ATRX: variants seen among roughly 807,000 people sequenced by gnomAD.
ATRX encodes ATRX chromatin remodeler.
A neutral mutation model predicts 172.6 loss-of-function variants in ATRX; 12 were observed. That is an observed-to-expected ratio of 0.07 (90% CI 0.04 to 0.11). ATRX has a LOEUF of 0.11. Ranked by LOEUF, ATRX falls within the 10% of genes least tolerant of loss-of-function variation. The probability of loss-of-function intolerance (pLI) is 1.00; values close to 1 mark genes in which losing one functional copy is unlikely to be tolerated. For missense variants in ATRX, 1,368 were observed against 1,767.4 expected (o/e 0.77, Z 4.05); for synonymous variants, 674 against 594.7 (o/e 1.13, Z -1.94).
At chrX:77,581,398 A>G (rs782330783) in intron 27 of ATRX, among the ~76,000 whole-genome samples, 6 of 112,179 alleles carry the variant, frequency 5.3e-5, no homozygotes, top group Admixed American at 2.8e-4. Context: ...GGAAACCAAA[A>G]AGAGCAGGAA....
intron 26 of ATRX, among the ~76,000 whole-genome samples, chrX:77,591,327 T>G (rs1479752873): frequency 8.9e-6 from 1 of 111,970 alleles, no homozygotes; most frequent in Non-Finnish European, 1.9e-5. Flanking sequence ...AAATAAAATC[T>G]AGAAAGAGAA....
intron 12 of ATRX, among the ~76,000 whole-genome samples, chrX:77,660,322 T>C (rs1557121908): frequency 9.0e-6 from 1 of 111,322 alleles, no homozygotes; most frequent in Non-Finnish European, 1.9e-5. Context: ...CCCAGCACTT[T>C]TGGGAGGCCG....
intron 1 of ATRX, among the ~76,000 whole-genome samples, chrX:77,757,798 A>G (rs2148897940): frequency 9.2e-6 from 1 of 108,407 alleles, no homozygotes; most frequent in South Asian, 4.1e-4. Context: ...CAGCCTCCCG[A>G]GTAGCTGGGA....
At chrX:77,623,585 A>G (rs1350537544) in intron 19 of ATRX, among the ~76,000 whole-genome samples, 1 of 111,807 alleles carries the variant, frequency 8.9e-6, no homozygotes, top group Admixed American at 9.5e-5. Context: ...AAAACCAGGA[A>G]AGATCACGAC....
chrX:77,761,369 T>C (rs1212289594), intron 1 of ATRX, among the ~76,000 whole-genome samples: 1 of 110,179 alleles, frequency 9.1e-6, no homozygotes, highest in Non-Finnish European at 1.9e-5. Flanking sequence ...AAAACCCATC[T>C]CTACAAAAAC....
intron 5 of ATRX, among the ~76,000 whole-genome samples, chrX:77,694,836 A>T (rs1204441448): frequency 1.1e-5 from 1 of 94,914 alleles, no homozygotes; most frequent in Non-Finnish European, 2.0e-5. Flanking sequence ...TATGTTATTC[A>T]ACAAGCAAAT....
At chrX:77,543,220 T>C (rs1557051694) in intron 30 of ATRX, among the ~76,000 whole-genome samples, 1 of 112,575 alleles carries the variant, frequency 8.9e-6, no homozygotes, top group African/African-American at 3.2e-5. Flanking sequence ...TCATCATTAC[T>C]GCTCATTAGA....
At chrX:77,731,828 A>AGCCATTCCCACTGC (rs2074310428) in intron 1 of ATRX, among the ~76,000 whole-genome samples, 1 of 110,768 alleles carries the variant, frequency 9.0e-6, no homozygotes, top group Non-Finnish European at 1.9e-5. Context: ...CTCTCCACTG[A>AGCCATTCCCACTGC]GCCATTCCCA....
At chrX:77,540,806 C>A (rs1306762507) in intron 30 of ATRX, among the ~76,000 whole-genome samples, 3 of 111,815 alleles carry the variant, frequency 2.7e-5, no homozygotes, top group African/African-American at 9.8e-5. Flanking sequence ...CTCTGGGACA[C>A]ATTTAAAGCA....
chrX:77,666,846 C>T (rs1557126504), intron 10 of ATRX, among the ~76,000 whole-genome samples: 1 of 111,297 alleles, frequency 9.0e-6, no homozygotes, highest in Non-Finnish European at 1.9e-5. Flanking sequence ...AGCAACAAAA[C>T]TCTGTCTCAA....
intron 1 of ATRX, among the ~76,000 whole-genome samples, chrX:77,739,568 G>A (rs1434309666): frequency 9.1e-6 from 1 of 110,364 alleles, no homozygotes; most frequent in Non-Finnish European, 1.9e-5. Context: ...TAAACATAGG[G>A]TGCTAATAAT....
intron 1 of ATRX, among the ~76,000 whole-genome samples, chrX:77,767,318 A>T (rs782643956): frequency 1.8e-5 from 2 of 110,546 alleles, no homozygotes; most frequent in South Asian, 7.7e-4. Flanking sequence ...GTAAAATGAG[A>T]GAATTTTACT....
intron 15 of ATRX, among the ~76,000 whole-genome samples, chrX:77,637,939 CAAAA>C (rs373944111): frequency 4.7e-5 from 2 of 42,863 alleles, no homozygotes; most frequent in Non-Finnish European, 7.9e-5. Context: ...AGCTCCATCT[CAAAA>C]AAAAAAAAAA....
At chrX:77,510,867 C>T (rs1557036233) in intron 34 of ATRX, among the ~76,000 whole-genome samples, 1 of 112,732 alleles carries the variant, frequency 8.9e-6, no homozygotes, top group African/African-American at 3.2e-5. Context: ...TGGGGGAAAT[C>T]TGCAGCCCAG....
chrX:77,754,939 G>C (rs2075433054), intron 1 of ATRX, among the ~76,000 whole-genome samples: 1 of 111,378 alleles, frequency 9.0e-6, no homozygotes, highest in Non-Finnish European at 1.9e-5. Context: ...TTCCAACTTG[G>C]GTCCATTCTC....
intron 34 of ATRX, among the ~76,000 whole-genome samples, chrX:77,513,896 A>C (rs1490667634): frequency 1.8e-5 from 2 of 111,360 alleles, no homozygotes; most frequent in African/African-American, 6.5e-5. Flanking sequence ...GCTGATAAAC[A>C]AGTTCAGCAA....
Position 77,697,654 on chromosome X carries a change from T to C in ATRX, c.190-19A>G. Reference sequence around the variant, plus strand: ...TAGTTCCCTAGATGTGAGACATAAATATAAAAGTGAATAAAATTCTCGAAA... The same window carrying C: ...TAGTTCCCTAGATGTGAGACATAAACATAAAAGTGAATAAAATTCTCGAAA... On this transcript the variant is annotated intron_variant, in intron 3 of 34. Coordinates refer to ENST00000373344, the MANE Select transcript of ATRX (RefSeq NM_000489.6). 8.4e-7 allele frequency: 1 copy of C among 1,195,364 alleles called. No individual in the cohort carries two copies. Among genetic ancestry groups the C allele is most frequent in the Non-Finnish European group, 1.1e-6 (1 of 882,653 alleles).
At chrX:77,661,378 G>A (rs1277433937) in intron 12 of ATRX, among the ~76,000 whole-genome samples, 4 of 110,122 alleles carry the variant, frequency 3.6e-5, no homozygotes, top group Admixed American at 1.9e-4. Flanking sequence ...AGGCCGGTAC[G>A]GTGGCTCACG....
chrX:77,786,016 G>A lies in ATRX; in HGVS notation c.-15C>T, dbSNP rs2148995297. 8.4e-7 allele frequency: 1 copy of A among 1,190,825 alleles called. No homozygotes were observed. ...TCAGCGGTCATGTTTTCGCTTGAAC[G>A]CCTTGTCGGCTTCTGTGATTGCTGG... On this transcript the variant is annotated 5_prime_UTR_variant, in exon 1 of 35. Transcript: ENST00000373344.
Sources: allele counts gnomAD v4.1 joint callset (sites outside exome capture counted in the v4.1 genomes callset), GRCh38; gene constraint gnomAD v4.1.1; transcripts MANE v1.5; gene names NCBI Gene and HGNC (gene_info 2026-07-23, HGNC 2026-07-21).